Variants in BACE2 observed in about 807,000 individuals in gnomAD.
BACE2 encodes the protein 56 kDa aspartic-like protease.
A neutral mutation model predicts 46.2 loss-of-function variants in BACE2; 17 were observed. The observed-to-expected ratio is 0.37, with a 90% CI of 0.25 to 0.55. BACE2 has a LOEUF of 0.55. Ranked by LOEUF, BACE2 falls within the 20% of genes least tolerant of loss-of-function variation. The pLI is 0.82. For missense variants in BACE2, 595 were observed against 698.1 expected, an observed-to-expected ratio of 0.85 and a Z score of 1.66; for synonymous variants, 277 against 295.9, an observed-to-expected ratio of 0.94 and a Z score of 0.66.
At chr21:41,268,156 A>G (rs750963519) in intron 8 of BACE2, among the ~76,000 whole-genome samples, 4 of 152,172 alleles carry the variant, frequency 2.6e-5, no homozygotes. Context: ...ACATCTATTA[A>G]CTTGATTGTT....
intron 1 of BACE2, among the ~76,000 whole-genome samples, chr21:41,215,807 A>T (rs1010980079): frequency 1.3e-5 from 2 of 152,160 alleles, no homozygotes; most frequent in African/African-American, 4.8e-5. Flanking sequence ...CTTTGCTTGG[A>T]AGTTAAGAAC....
At chr21:41,243,075 G>A (rs774185156) in intron 4 of BACE2, among the ~76,000 whole-genome samples, 6 of 151,952 alleles carry the variant, frequency 3.9e-5, no homozygotes, top group South Asian at 2.1e-4. Context: ...CACCTTGCCC[G>A]GCTAATTTTT....
At chr21:41,235,787 G>A (rs574627636) in intron 2 of BACE2, among the ~76,000 whole-genome samples, 6 of 152,380 alleles carry the variant, frequency 3.9e-5, no homozygotes, top group African/African-American at 7.2e-5. Context: ...GCTACTGTGA[G>A]CCATGATTGC....
In BACE2 at chr21:41,226,360, C is replaced by A; in HGVS notation, c.401+6C>A. On this transcript the variant is annotated splice_donor_region_variant and intron_variant, in intron 2 of 8. Transcript: ENST00000330333. ...ACGTACTTTGACACAGAGAGGTAAG[C>A]GCTGGCCCCTTGGCTGGTGTGCTGG... 2 of 1,610,940 alleles carry A rather than the reference C, an allele frequency of 1.2e-6. No homozygotes were observed. The highest frequency in any genetic ancestry group is 1.7e-6 in the Non-Finnish European group (2 of 1,179,112).
chr21:41,212,011 G>A (rs572808910), intron 1 of BACE2, among the ~76,000 whole-genome samples: 5 of 152,218 alleles, frequency 3.3e-5, no homozygotes, highest in Admixed American at 1.3e-4. Context: ...TAGCTTTCTC[G>A]ACCACTGTTT....
intron 3 of BACE2, among the ~76,000 whole-genome samples, chr21:41,238,516 C>A (rs373307485): frequency 6.6e-6 from 1 of 152,002 alleles, no homozygotes; most frequent in African/African-American, 2.4e-5. Context: ...ATGTTTATTG[C>A]GGCATTATTC....
intron 1 of BACE2, among the ~76,000 whole-genome samples, chr21:41,212,966 A>G (rs1001906755): frequency 2.6e-5 from 4 of 152,202 alleles, no homozygotes; most frequent in Admixed American, 2.6e-4. Flanking sequence ...CTTTGCACAC[A>G]TGATTTAGGA....
At chr21:41,273,479 T>C (rs1240379918) in intron 8 of BACE2, among the ~76,000 whole-genome samples, 1 of 152,212 alleles carries the variant, frequency 6.6e-6, no homozygotes, top group Admixed American at 6.5e-5. Context: ...AGAAAAATAA[T>C]TCAGCGATAT....
At chr21:41,232,051 A>G (rs1364269193) in intron 2 of BACE2, among the ~76,000 whole-genome samples, 3 of 148,188 alleles carry the variant, frequency 2.0e-5, no homozygotes, top group Non-Finnish European at 4.5e-5. Context: ...ATTATCTAGG[A>G]CTGTGCTTTC....
At chr21:41,235,774 C>T (rs1987099978) in intron 2 of BACE2, among the ~76,000 whole-genome samples, 1 of 152,224 alleles carries the variant, frequency 6.6e-6, no homozygotes, top group South Asian at 2.1e-4. Flanking sequence ...CCCAGGAGTT[C>T]AAGCTACTGT....
At chr21:41,251,530 G>A (rs1268868522) in intron 7 of BACE2, among the ~76,000 whole-genome samples, 1 of 152,230 alleles carries the variant, frequency 6.6e-6, no homozygotes, top group Non-Finnish European at 1.5e-5. Context: ...GCTGGGTGCG[G>A]TGGCTCACGC....
At chr21:41,252,627 T>C (rs1987673301) in intron 7 of BACE2, 1 of 152,172 alleles carries the variant, frequency 6.6e-6, no homozygotes. Context: ...GCTGTGGGGG[T>C]AAAAGATTGT....
intron 1 of BACE2, chr21:41,183,069 C>T (rs1293157562): frequency 1.2e-5 from 2 of 166,556 alleles, no homozygotes; most frequent in Non-Finnish European, 1.5e-5. Context: ...TAGACATTGT[C>T]ATTCTATAAC....
At chr21:41,218,504 C>T (rs1009243385) in intron 1 of BACE2, among the ~76,000 whole-genome samples, 2 of 152,068 alleles carry the variant, frequency 1.3e-5, no homozygotes, top group Non-Finnish European at 2.9e-5. Flanking sequence ...AAGTCAGAGA[C>T]AGGAGGACTG....
chr21:41,168,471 T>TC lies in BACE2; in HGVS notation c.213dup (p.Ala72ArgfsTer39), dbSNP rs747052778. On this transcript the variant is annotated frameshift_variant, in exon 1 of 9. Transcript: ENST00000330333. LOFTEE classifies it high-confidence loss of function. ...GCTCGCCCTGGAGCCTGCCCTGGCGTCCCCCGCGGGCGCCGCCAACTTCTT... is the reference window on the plus strand; with the variant it reads ...GCTCGCCCTGGAGCCTGCCCTGGCGTCCCCCCGCGGGCGCCGCCAACTTCTT... The TC allele has an allele frequency of 2.3e-6, 3 of 1,331,984 alleles. No individual in the cohort carries two copies. Among genetic ancestry groups the TC allele is most frequent in the Admixed American group, 3.4e-5 (1 of 29,234 alleles). 82.5% of individuals were successfully genotyped at this position (1,331,984 alleles called of 1,614,324 possible).
chr21:41,275,884 C>G lies in BACE2; in HGVS notation c.*260C>G, dbSNP rs1400851075. 3 of 495,494 alleles carry G rather than the reference C, an allele frequency of 6.1e-6. No homozygotes were observed. Among genetic ancestry groups the G allele is most frequent in the Admixed American group, 3.4e-5 (1 of 29,092 alleles). 30.7% of individuals were successfully genotyped at this position (495,494 alleles called of 1,614,324 possible). A position where few individuals can be genotyped will look rare whatever the true frequency, so the allele number is the denominator to read the frequency against. On this transcript the variant is annotated 3_prime_UTR_variant, in exon 9 of 9. Transcript: ENST00000330333. ...AACAGAGTGGATTGGGCTGCAGGCTCTATGGGGTTCGTTATGCCAAAGTGT... is the reference window on the plus strand; with the variant it reads ...AACAGAGTGGATTGGGCTGCAGGCTGTATGGGGTTCGTTATGCCAAAGTGT...
At chr21:41,198,664 G>A (rs534158841) in intron 1 of BACE2, among the ~76,000 whole-genome samples, 40 of 152,236 alleles carry the variant, frequency 2.6e-4, no homozygotes, top group Middle Eastern at 3.4e-3. Context: ...CTTTCCAGCT[G>A]GCTGGTGTGA....
intron 8 of BACE2, among the ~76,000 whole-genome samples, chr21:41,264,591 A>G (rs918424321): frequency 6.6e-6 from 1 of 151,394 alleles, no homozygotes; most frequent in Non-Finnish European, 1.5e-5. Flanking sequence ...AGAGCAAGGG[A>G]GAGAGAGAGA....
Position 41,266,746 on chromosome 21 carries a change from C to A in BACE2, c.1304-8625C>A, listed in dbSNP as rs76650060. ...TTGGTGCCCAGGGTCAAGTCTCTCA[C>A]CCCTCCTGGTCGTGGGAACCCCAGC... On this transcript the variant is annotated intron_variant, in intron 8 of 8. Coordinates refer to ENST00000330333, the MANE Select transcript of BACE2 (RefSeq NM_012105.5). 6.6e-5 allele frequency among the ~76,000 whole-genome samples: 10 copies of A among 152,380 alleles called. 1 individual carries two copies. The East Asian group carries it at 1.3e-3, about 21-fold the overall frequency.
Sources: allele counts gnomAD v4.1 joint callset (sites outside exome capture counted in the v4.1 genomes callset), GRCh38; gene constraint gnomAD v4.1.1; transcripts MANE v1.5; gene names NCBI Gene and HGNC (gene_info 2026-07-23, HGNC 2026-07-21).